CLSTN2: variants seen among roughly 807,000 people sequenced by gnomAD.
CLSTN2 encodes calsyntenin-2.
Under a neutral mutation model 101.2 loss-of-function variants are expected in CLSTN2, and 48 were observed. That is an observed-to-expected ratio of 0.47 (90% CI 0.38 to 0.60). The LOEUF is 0.60. Ranked by LOEUF, CLSTN2 falls within the 20% of genes least tolerant of loss-of-function variation. The pLI is 0.00. For synonymous variants in CLSTN2, 481 were observed against 463.6 expected, an observed-to-expected ratio of 1.04 and a Z score of -0.48; for missense variants, 1,160 against 1,238.2, an observed-to-expected ratio of 0.94 and a Z score of 0.95.
At chr3:140,306,321 A>G (rs1403908447) in intron 2 of CLSTN2, among the ~76,000 whole-genome samples, 1 of 152,170 alleles carries the variant, frequency 6.6e-6, no homozygotes, top group Non-Finnish European at 1.5e-5. Flanking sequence ...CTTAGTTATA[A>G]ACACCCACTA....
chr3:140,152,627 C>A (rs1196378331), intron 1 of CLSTN2, among the ~76,000 whole-genome samples: 1 of 152,140 alleles, frequency 6.6e-6, no homozygotes, highest in Non-Finnish European at 1.5e-5. Flanking sequence ...TATACATGGG[C>A]AATTGGTGCT....
chr3:140,120,364 G>A (rs1016952154), intron 1 of CLSTN2, among the ~76,000 whole-genome samples: 2 of 152,182 alleles, frequency 1.3e-5, no homozygotes, highest in Admixed American at 1.3e-4. Flanking sequence ...AGTGAGGTAT[G>A]GGGAAAGGCA....
intron 1 of CLSTN2, among the ~76,000 whole-genome samples, chr3:139,947,551 ATTT>A (rs1399583143): frequency 6.6e-6 from 1 of 152,194 alleles, no homozygotes; most frequent in Admixed American, 6.5e-5. Context: ...TGATGCTTTT[ATTT>A]GTGGGAGAAT....
intron 1 of CLSTN2, among the ~76,000 whole-genome samples, chr3:140,139,666 G>A (rs568286127): frequency 1.3e-5 from 2 of 152,274 alleles, no homozygotes. Flanking sequence ...AAATATATGC[G>A]GCAGCCCATA....
At chr3:140,385,432 G>A (rs904699780) in intron 2 of CLSTN2, among the ~76,000 whole-genome samples, 5 of 140,398 alleles carry the variant, frequency 3.6e-5, no homozygotes, top group Non-Finnish European at 3.0e-5. Flanking sequence ...GCAGTGGTGC[G>A]ATCTCGACTC....
chr3:140,520,013 T>G (rs1422098902), intron 8 of CLSTN2, among the ~76,000 whole-genome samples: 2 of 152,218 alleles, frequency 1.3e-5, no homozygotes, highest in Non-Finnish European at 2.9e-5. Flanking sequence ...TGGTGACAAA[T>G]TCCCTCAGCA....
chr3:140,217,789 C>T (rs897873266), intron 2 of CLSTN2, among the ~76,000 whole-genome samples: 2 of 152,098 alleles, frequency 1.3e-5, no homozygotes, highest in African/African-American at 4.8e-5. Context: ...TATTGTTGGG[C>T]AAGAAAATGA....
intron 1 of CLSTN2, among the ~76,000 whole-genome samples, chr3:139,975,047 G>T (rs1226184172): frequency 1.3e-5 from 2 of 152,338 alleles, no homozygotes; most frequent in Non-Finnish European, 2.9e-5. Context: ...CTATGGAGGA[G>T]GAGCTGTGTG....
At position 140,466,591 on chromosome 3, in the gene CLSTN2, C is replaced by T. The variant is rs747626108; in HGVS notation, c.1223-19C>T. The T allele has an allele frequency of 2.3e-5, 37 of 1,613,970 alleles. No individual in the cohort carries two copies. The highest frequency in any genetic ancestry group is 2.8e-5 in the Non-Finnish European group (33 of 1,179,968). On this transcript the variant is annotated intron_variant, in intron 7 of 16. Coordinates refer to ENST00000458420, the MANE Select transcript of CLSTN2 (RefSeq NM_022131.3). ...CACAGGGGTTCTCTCACTCTTCAAA[C>T]CTTCTTTCTGCTTTTCAGAAATGAA...
At chr3:140,450,360 T>C (rs1225422452) in intron 6 of CLSTN2, among the ~76,000 whole-genome samples, 1 of 152,154 alleles carries the variant, frequency 6.6e-6, no homozygotes, top group Non-Finnish European at 1.5e-5. Context: ...AATCTCTCAG[T>C]GAGTCTGTGA....
At chr3:140,411,470 A>G (rs1320946365) in intron 4 of CLSTN2, among the ~76,000 whole-genome samples, 6 of 152,260 alleles carry the variant, frequency 3.9e-5, no homozygotes, top group Admixed American at 3.9e-4. Context: ...ACAACAATAC[A>G]AGAATAGTAA....
chr3:140,141,892 T>G (rs748974098), intron 1 of CLSTN2, among the ~76,000 whole-genome samples: 24 of 152,192 alleles, frequency 1.6e-4, no homozygotes, highest in Non-Finnish European at 3.1e-4. Flanking sequence ...TTTCATTGTT[T>G]CAGAAGCTGC....
In CLSTN2 at chr3:140,226,200, G is replaced by T. The variant is rs541274828; in HGVS notation, c.232+50127G>T. Reference sequence around the variant, plus strand: ...ACAGAAATGGAGAACATTTAGTGGTGCCAGAGATTAAAGACAGGGTGGGGA... The same window carrying T: ...ACAGAAATGGAGAACATTTAGTGGTTCCAGAGATTAAAGACAGGGTGGGGA... On this transcript the variant is annotated intron_variant, in intron 2 of 16. Coordinates refer to ENST00000458420, the MANE Select transcript of CLSTN2 (RefSeq NM_022131.3). Among the ~76,000 whole-genome samples, 4 of 152,216 alleles carry T rather than the reference G, an allele frequency of 2.6e-5. No individual in the cohort carries two copies. The East Asian group carries it at 7.7e-4, about 29-fold the overall frequency.
chr3:140,458,730 C>T (rs1402141437), intron 6 of CLSTN2, among the ~76,000 whole-genome samples: 1 of 152,220 alleles, frequency 6.6e-6, no homozygotes, highest in South Asian at 2.1e-4. Context: ...ATAGCTAACA[C>T]TGAGTGAACC....
At chr3:140,215,916 T>G (rs1203728805) in intron 2 of CLSTN2, among the ~76,000 whole-genome samples, 2 of 152,154 alleles carry the variant, frequency 1.3e-5, no homozygotes, top group Non-Finnish European at 2.9e-5. Context: ...CACTAGGTAT[T>G]TCAAACAAAA....
At chr3:140,002,667 T>C (rs2006867074) in intron 1 of CLSTN2, among the ~76,000 whole-genome samples, 1 of 152,222 alleles carries the variant, frequency 6.6e-6, no homozygotes, top group South Asian at 2.1e-4. Context: ...TCCCCAACGT[T>C]TTCTTGTAGT....
intron 2 of CLSTN2, among the ~76,000 whole-genome samples, chr3:140,233,528 T>C (rs550873115): frequency 7.2e-5 from 11 of 152,360 alleles, no homozygotes; most frequent in African/African-American, 2.6e-4. Flanking sequence ...CATATAGTAG[T>C]CATTCAGTAA....
At chr3:140,270,201 C>CTCTTACCT (rs2086729595) in intron 2 of CLSTN2, among the ~76,000 whole-genome samples, 1 of 152,160 alleles carries the variant, frequency 6.6e-6, no homozygotes, top group African/African-American at 2.4e-5. Context: ...CATTCATTGC[C>CTCTTACCT]TCTTACCTGT....
intron 8 of CLSTN2, among the ~76,000 whole-genome samples, chr3:140,526,729 A>T (rs1935149797): frequency 6.6e-6 from 1 of 152,192 alleles, no homozygotes; most frequent in Non-Finnish European, 1.5e-5. Context: ...TACTGGTACA[A>T]AGACAGACAC....
Sources: allele counts gnomAD v4.1 joint callset (sites outside exome capture counted in the v4.1 genomes callset), GRCh38; gene constraint gnomAD v4.1.1; transcripts MANE v1.5; gene names NCBI Gene and HGNC (gene_info 2026-07-23, HGNC 2026-07-21).